The following NRG3 variants were observed in gnomAD, a reference collection of about 807,000 sequenced individuals.
The protein encoded by NRG3 is pro-neuregulin-3, membrane-bound isoform.
In NRG3, 31 loss-of-function variants were observed where a neutral mutation model predicts 66.9. That is an observed-to-expected ratio of 0.46 (90% CI 0.35 to 0.63). The LOEUF (loss-of-function observed/expected upper bound fraction) is 0.63, where lower values mean the gene tolerates loss of function less well. NRG3 is among the 20% of genes least tolerant of loss of function. The probability of loss-of-function intolerance (pLI) is 0.00; values close to 1 mark genes in which losing one functional copy is unlikely to be tolerated. For missense variants in NRG3, 910 were observed against 878.9 expected (o/e 1.04, Z -0.45); for synonymous variants, 393 against 359.4 (o/e 1.09, Z -1.06).
chr10:82,976,089 T>C (rs1251422387), intron 7 of NRG3, among the ~76,000 whole-genome samples: 1 of 152,126 alleles, frequency 6.6e-6, no homozygotes, highest in Non-Finnish European at 1.5e-5. Context: ...AGAGTCTCGC[T>C]CTGTCACCCA....
intron 2 of NRG3, among the ~76,000 whole-genome samples, chr10:82,690,336 A>G (rs2134195608): frequency 6.6e-6 from 1 of 151,774 alleles, no homozygotes; most frequent in Admixed American, 6.6e-5. Context: ...TCTTAACTTC[A>G]GAAGCAATTT....
At chr10:82,286,069 A>G (rs750459319) in intron 1 of NRG3, among the ~76,000 whole-genome samples, 7 of 152,170 alleles carry the variant, frequency 4.6e-5, no homozygotes, top group Non-Finnish European at 8.8e-5. Context: ...AAACAGAAGA[A>G]CTAAATCCAC....
At chr10:82,274,304 A>T (rs2078737960) in intron 1 of NRG3, among the ~76,000 whole-genome samples, 1 of 152,064 alleles carries the variant, frequency 6.6e-6, no homozygotes, top group Admixed American at 6.6e-5. Context: ...GCTCATAGAA[A>T]CTTCACTGAA....
At position 82,348,644 on chromosome 10, in the gene NRG3, A is replaced by T. The variant is rs867899408; in HGVS notation, c.824-10095A>T. ...TGCTAGATTGGGGAAGTTCTCCTGG[A>T]TAATATCCTGCAGAGTGTTTTCCAA... is the stretch of plus-strand genomic sequence containing the variant. On this transcript the variant is annotated intron_variant, in intron 1 of 8. Transcript: ENST00000372141. Among the ~76,000 whole-genome samples the T allele has an allele frequency of 4.1e-5, 6 of 147,736 alleles. No homozygotes were observed. In the South Asian group the frequency reaches 6.5e-4, roughly 16 times the overall value.
chr10:82,129,857 G>C (rs904744845), intron 1 of NRG3, among the ~76,000 whole-genome samples: 1 of 152,076 alleles, frequency 6.6e-6, no homozygotes, highest in African/African-American at 2.4e-5. Flanking sequence ...ACCCACGCCT[G>C]TCCTAGTTAT....
At chr10:82,068,869 A>C (rs2133306213) in intron 1 of NRG3, among the ~76,000 whole-genome samples, 2 of 152,236 alleles carry the variant, frequency 1.3e-5, no homozygotes, top group East Asian at 3.9e-4. Flanking sequence ...CTTAAAAATC[A>C]CTCTGGATGC....
chr10:81,995,575 T>C (rs11192103), intron 1 of NRG3, among the ~76,000 whole-genome samples: 8,289 of 152,314 alleles, frequency 0.054, 765 homozygotes, highest in African/African-American at 0.19. Flanking sequence ...GATTACTTAC[T>C]GATGGAAAAG....
chr10:82,635,415 G>A (rs1454188975), intron 2 of NRG3, among the ~76,000 whole-genome samples: 1 of 152,080 alleles, frequency 6.6e-6, no homozygotes, highest in Non-Finnish European at 1.5e-5. Context: ...AAGAATACAT[G>A]CCCATGATGG....
chr10:82,811,049 T>C (rs1227944890), intron 3 of NRG3, among the ~76,000 whole-genome samples: 1 of 152,064 alleles, frequency 6.6e-6, no homozygotes, highest in Admixed American at 6.5e-5. Flanking sequence ...TTCCTTCAAA[T>C]CTCCACTGAA....
At position 82,565,242 on chromosome 10, in the gene NRG3, G is replaced by T. The variant is rs896588351; in HGVS notation, c.954-173335G>T. On this transcript the variant is annotated intron_variant, in intron 2 of 8. Coordinates refer to ENST00000372141, the MANE Select transcript of NRG3 (RefSeq NM_001010848.4). ...CCACACCCTACTACAGAGAATCATTGTTTCTCCTTCCTTACACATTTGGTC... is the reference window on the plus strand; with the variant it reads ...CCACACCCTACTACAGAGAATCATTTTTTCTCCTTCCTTACACATTTGGTC... Among the ~76,000 whole-genome samples, 21 of 152,210 alleles carry T rather than the reference G, an allele frequency of 1.4e-4. No individual in the cohort carries two copies. In the South Asian group the frequency reaches 3.5e-3, roughly 26 times the overall value.
Position 82,958,133 on chromosome 10 carries a change from G to C in NRG3, c.1158-816G>C, listed in dbSNP as rs561691543. Among the ~76,000 whole-genome samples the C allele has an allele frequency of 2.6e-5, 4 of 152,280 alleles. No homozygotes were observed. In the South Asian group the frequency reaches 8.3e-4, roughly 32 times the overall value. On this transcript the variant is annotated intron_variant, in intron 5 of 8. Coordinates refer to ENST00000372141, the MANE Select transcript of NRG3 (RefSeq NM_001010848.4). ...AGTTTCAGCCTTTTCACTCAGAAGC[G>C]GTGGGACCATGAGCACATGGCTTGG...
At chr10:81,897,557 A>G (rs961925241) in intron 1 of NRG3, among the ~76,000 whole-genome samples, 1 of 150,860 alleles carries the variant, frequency 6.6e-6, no homozygotes, top group South Asian at 2.1e-4. Flanking sequence ...GAGGGATGAT[A>G]CCATTATTAA....
chr10:82,736,499 T>TC (rs2058160738), intron 2 of NRG3, among the ~76,000 whole-genome samples: 1 of 152,190 alleles, frequency 6.6e-6, no homozygotes, highest in Admixed American at 6.5e-5. Context: ...ACACAGCCCC[T>TC]GGGGGGCTTC....
chr10:82,068,063 C>A (rs567550454), intron 1 of NRG3, among the ~76,000 whole-genome samples: 6 of 152,108 alleles, frequency 3.9e-5, no homozygotes, highest in Non-Finnish European at 8.8e-5. Context: ...GTGTTTCCTG[C>A]GTCGAAGAAT....
chr10:82,274,916 C>G (rs948623774), intron 1 of NRG3, among the ~76,000 whole-genome samples: 1 of 152,022 alleles, frequency 6.6e-6, no homozygotes, highest in African/African-American at 2.4e-5. Flanking sequence ...GGGAGCTGCC[C>G]AATTCCAAAC....
At chr10:81,900,256 ACGCACAC>A (rs1843923267) in intron 1 of NRG3, among the ~76,000 whole-genome samples, 3 of 94,404 alleles carry the variant, frequency 3.2e-5, no homozygotes, top group South Asian at 3.5e-4. Context: ...CCGGTTTTTA[ACGCACAC>A]TTCTTATAAG....
rs150744005 is a variant in NRG3, at chr10:82,564,318, G to T, written c.954-174259G>T. Among the ~76,000 whole-genome samples the T allele has an allele frequency of 5.7e-3, 874 of 152,190 alleles. 7 individuals carry two copies. The highest frequency in any genetic ancestry group is 6.4e-3 in the Non-Finnish European group (437 of 68,010). Reference sequence around the variant, plus strand: ...TTGATTCATTTTGCATATTTCTTTGGATGGAGCTTCTCTGAATTGATTAAA... The same window carrying T: ...TTGATTCATTTTGCATATTTCTTTGTATGGAGCTTCTCTGAATTGATTAAA... On this transcript the variant is annotated intron_variant, in intron 2 of 8. Transcript: ENST00000372141.
chr10:82,842,126 C>T (rs2063084657), intron 3 of NRG3, among the ~76,000 whole-genome samples: 1 of 152,150 alleles, frequency 6.6e-6, no homozygotes. Context: ...TGGTGTGCGC[C>T]TGTAATCCCA....
At position 81,951,518 on chromosome 10, in the gene NRG3, C is replaced by T. The variant is rs951672636; in HGVS notation, c.823+75355C>T. Reference sequence around the variant, plus strand: ...TTTCAAACCCAATGTGGCCAACACCCCCACAGACACCTGGAGAATTCAACT... The same window carrying T: ...TTTCAAACCCAATGTGGCCAACACCTCCACAGACACCTGGAGAATTCAACT... On this transcript the variant is annotated intron_variant, in intron 1 of 8. Coordinates refer to ENST00000372141, the MANE Select transcript of NRG3 (RefSeq NM_001010848.4). 1.3e-5 allele frequency among the ~76,000 whole-genome samples: 2 copies of T among 152,128 alleles called. 1 individual carries two copies. Among genetic ancestry groups the T allele is most frequent in the South Asian group, 4.1e-4 (2 of 4,824 alleles).
Sources: gnomAD v4.1 joint callset for allele counts (sites outside exome capture counted in the v4.1 genomes callset) on GRCh38, gnomAD v4.1.1 for gene constraint, MANE v1.5 for transcripts, NCBI Gene and HGNC (gene_info 2026-07-23, HGNC 2026-07-21) for gene names.